The following STX11 variants were observed in gnomAD, a reference collection of about 807,000 sequenced individuals.
STX11 encodes the protein syntaxin-11.
STX11 carries 21 observed loss-of-function variants against 19.9 expected under a neutral mutation model. That is an observed-to-expected ratio of 1.06 (90% CI 0.75 to 1.52). The LOEUF (loss-of-function observed/expected upper bound fraction) is 1.52. Among genes scored for constraint, STX11 ranks in the 40% most tolerant of loss-of-function variants. The pLI, the probability that STX11 is intolerant of heterozygous loss-of-function variation, is 0.00. For synonymous variants in STX11, 193 were observed against 174.4 expected (o/e 1.11, Z -0.84); for missense variants, 438 against 405.9 (o/e 1.08, Z -0.68).
chr6:144,140,252 A>ATATATT, the STX11 span, among the ~76,000 whole-genome samples: 30 of 51,934 alleles, frequency 5.8e-4, no homozygotes, highest in African/African-American at 1.4e-3. Flanking sequence ...ATATATATAT[A>ATATATT]TATTTATTTA....
In STX11 at chr6:144,187,111, C is replaced by T. The variant is rs1292608555; in HGVS notation, c.484C>T (p.Gln162Ter). The T allele has an allele frequency of 1.2e-6, 2 of 1,613,816 alleles. No individual in the cohort carries two copies. Among genetic ancestry groups the T allele is most frequent in the Non-Finnish European group, 1.7e-6 (2 of 1,180,016 alleles). Reference protein sequence around the residue: ...KQRDNCKIRIQRQLEIMGKEV... With the variant: ...KQRDNCKIRI ...GCGCGACAACTGCAAGATCCGCATC[C>T]AGCGCCAGCTGGAGATCATGGGCAA... is the stretch of plus-strand genomic sequence containing the variant. Residue 162 changes from glutamine (Q) to a stop codon, truncating the protein, a stop_gained, in exon 2 of 2, where the codon CAG becomes TAG. Coordinates refer to ENST00000367568, the MANE Select transcript of STX11 (RefSeq NM_003764.4). LOFTEE classifies it high-confidence loss of function. The surrounding 1 kb of genome is among the most constrained non-coding windows in gnomAD (Gnocchi z 5.6).
chr6:144,176,375 G>A lies in STX11; in HGVS notation c.-5-10248G>A, dbSNP rs1286398642. Among the ~76,000 whole-genome samples the A allele has an allele frequency of 2.6e-5, 4 of 152,098 alleles. No individual in the cohort carries two copies. Among genetic ancestry groups the A allele is most frequent in the African/African-American group, 7.2e-5 (3 of 41,400 alleles). Reference sequence around the variant, plus strand: ...TCCGAGACCCAGTTATTAGTAAATCGAAAATGATGTTACCCTCCTCCCAAG... The same window carrying A: ...TCCGAGACCCAGTTATTAGTAAATCAAAAATGATGTTACCCTCCTCCCAAG... On this transcript the variant is annotated intron_variant, in intron 1 of 1. Transcript: ENST00000367568. This position sits in a 1 kb window ranked among gnomAD's most constrained non-coding sequence, Gnocchi z 4.1.
intron 1 of STX11, among the ~76,000 whole-genome samples, chr6:144,173,773 C>A (rs1002260766): frequency 6.6e-6 from 1 of 152,204 alleles, no homozygotes; most frequent in Admixed American, 6.5e-5. Flanking sequence ...TGACTGCTCT[C>A]GCAGTTTCCT....
chr6:144,185,359 C>T (rs753683721), intron 1 of STX11, among the ~76,000 whole-genome samples: 20 of 152,194 alleles, frequency 1.3e-4, no homozygotes, highest in Non-Finnish European at 2.5e-4. Flanking sequence ...AGTGTTACTA[C>T]TTTTCCCCTC....
Position 144,150,634 on chromosome 6 carries a change from T to C in STX11, c.-75T>C. ...CGCAACAGGTTTCCTTCTCCATCGC[T>C]GCGCCCACAGGGGACGCGCGCCCTG... On this transcript the variant is annotated 5_prime_UTR_variant, in exon 1 of 2. Coordinates refer to ENST00000367568, the MANE Select transcript of STX11 (RefSeq NM_003764.4). 4.1e-6 allele frequency: 4 copies of C among 985,104 alleles called. No individual in the cohort carries two copies. Among genetic ancestry groups the C allele is most frequent in the Non-Finnish European group, 4.8e-6 (4 of 829,918 alleles). The allele number at this position is 985,104 out of a possible 1,614,324, so 61.0% of individuals were successfully genotyped here.
the STX11 span, among the ~76,000 whole-genome samples, chr6:144,140,423 T>C: frequency 6.6e-6 from 1 of 151,120 alleles, no homozygotes; most frequent in African/African-American, 2.4e-5. Flanking sequence ...CCTGGCTAAT[T>C]TTTGTATTTT....
At position 144,186,963 on chromosome 6, in the gene STX11, G is replaced by C. The variant is rs562714690; in HGVS notation, c.336G>C (p.Glu112Asp). ...CKLRAMKELSEAAEAQHGPHS... is the reference protein window; with the variant it reads ...CKLRAMKELSDAAEAQHGPHS... Reference sequence around the variant, plus strand: ...TGCGCGCCATGAAGGAGCTGAGCGAGGCGGCTGAGGCCCAGCACGGCCCGC... The same window carrying C: ...TGCGCGCCATGAAGGAGCTGAGCGACGCGGCTGAGGCCCAGCACGGCCCGC... Residue 112 changes from glutamate to aspartate, a missense_variant, in exon 2 of 2, where the codon GAG (glutamate) becomes GAC (aspartate). Glu to Asp is a conservative substitution (Grantham distance 45). Transcript: ENST00000367568. 1 of 1,609,010 alleles carries C rather than the reference G, an allele frequency of 6.2e-7. No individual in the cohort carries two copies. Among genetic ancestry groups the C allele is most frequent in the Non-Finnish European group, 8.5e-7 (1 of 1,179,736 alleles).
At position 144,176,177 on chromosome 6, in the gene STX11, T is replaced by C. The variant is rs1281212835; in HGVS notation, c.-5-10446T>C. Among the ~76,000 whole-genome samples the C allele has an allele frequency of 2.0e-5, 3 of 152,160 alleles. No individual in the cohort carries two copies. Among genetic ancestry groups the C allele is most frequent in the African/African-American group, 4.8e-5 (2 of 41,438 alleles). On this transcript the variant is annotated intron_variant, in intron 1 of 1. Coordinates refer to ENST00000367568, the MANE Select transcript of STX11 (RefSeq NM_003764.4). This position sits in a 1 kb window ranked among gnomAD's most constrained non-coding sequence, Gnocchi z 4.1. The stretch of plus-strand genomic sequence containing the variant: ...GAAACAGAGCAGAGAATATTGCTCC[T>C]TAACAACACTAGCGCCTCCCGACCT...
In STX11 at chr6:144,165,047, G is replaced by T. The variant is rs1348165615; in HGVS notation, c.-6+14344G>T. ...GCTACATGGAACAGTTTCAATTGGGGTAAATGTGTAAGAAATTTGATCTAC... is the reference window on the plus strand; with the variant it reads ...GCTACATGGAACAGTTTCAATTGGGTTAAATGTGTAAGAAATTTGATCTAC... On this transcript the variant is annotated intron_variant, in intron 1 of 1. Coordinates refer to ENST00000367568, the MANE Select transcript of STX11 (RefSeq NM_003764.4). This position sits in a 1 kb window ranked among gnomAD's most constrained non-coding sequence, Gnocchi z 5.8. Among the ~76,000 whole-genome samples, 2 of 152,230 alleles carry T rather than the reference G, an allele frequency of 1.3e-5. No homozygotes were observed. Among genetic ancestry groups the T allele is most frequent in the East Asian group, 3.9e-4 (2 of 5,188 alleles).
chr6:144,157,110 ACT>A (rs1403756228), intron 1 of STX11, among the ~76,000 whole-genome samples: 8 of 151,992 alleles, frequency 5.3e-5, no homozygotes, highest in Non-Finnish European at 7.4e-5. Flanking sequence ...AGACCCTGAG[ACT>A]CTGAGATTTC....
chr6:144,168,617 A>G (rs1801545918), intron 1 of STX11, among the ~76,000 whole-genome samples: 1 of 152,178 alleles, frequency 6.6e-6, no homozygotes, highest in South Asian at 2.1e-4. Context: ...GATATACGGA[A>G]TCCTTCAAAG....
upstream of STX11, among the ~76,000 whole-genome samples, chr6:144,147,398 A>C (rs1800895492): frequency 6.6e-6 from 1 of 152,152 alleles, no homozygotes; most frequent in Admixed American, 6.5e-5. This position sits in a 1 kb window ranked among gnomAD's most constrained non-coding sequence, Gnocchi z 4.2. Flanking sequence ...TCTTTTTTAC[A>C]AAAATTTTTT....
chr6:144,187,001 C>A lies in STX11; in HGVS notation c.374C>A (p.Ala125Glu), dbSNP rs1345698016. The A allele has an allele frequency of 1.2e-6, 2 of 1,610,118 alleles. No homozygotes were observed. The highest frequency in any genetic ancestry group is 4.5e-5 in the East Asian group (2 of 44,850). ...EAQHGPHSAV[A>E]RISRAQYNAL... Reference sequence around the variant, plus strand: ...CAGCACGGCCCGCACTCGGCAGTGGCGCGCATTTCGCGGGCGCAGTACAAC... The same window carrying A: ...CAGCACGGCCCGCACTCGGCAGTGGAGCGCATTTCGCGGGCGCAGTACAAC... Residue 125 changes from alanine (A) to glutamate (E), a missense_variant, in exon 2 of 2, where the codon GCG becomes GAG. Physicochemically the swap from Ala to Glu is moderately radical, Grantham distance 107. Transcript: ENST00000367568. The surrounding 1 kb of genome is among the most constrained non-coding windows in gnomAD (Gnocchi z 5.6).
At chr6:144,150,911 C>G (rs1343426950) in intron 1 of STX11, among the ~76,000 whole-genome samples, 2 of 152,136 alleles carry the variant, frequency 1.3e-5, no homozygotes, top group African/African-American at 4.8e-5. Flanking sequence ...TCATATAAAG[C>G]AGAATGATTT....
Position 144,187,758 on chromosome 6 carries a change from C to T in STX11, c.*267C>T, listed in dbSNP as rs930081960. The T allele has an allele frequency of 1.7e-6, 1 of 572,582 alleles. No individual in the cohort carries two copies. Among genetic ancestry groups the T allele is most frequent in the African/African-American group, 1.9e-5 (1 of 53,240 alleles). 35.5% of individuals were successfully genotyped at this position (572,582 alleles called of 1,614,324 possible). ...ATATGACACCTTGCACTCTTACCGTCTTGACAGAAGCCAAGTAAGGAACTG... is the reference window on the plus strand; with the variant it reads ...ATATGACACCTTGCACTCTTACCGTTTTGACAGAAGCCAAGTAAGGAACTG... On this transcript the variant is annotated 3_prime_UTR_variant, in exon 2 of 2. Transcript: ENST00000367568. This position sits in a 1 kb window ranked among gnomAD's most constrained non-coding sequence, Gnocchi z 5.6.
Position 144,188,091 on chromosome 6 carries a change from C to G in STX11, c.*600C>G. 1 of 242,324 alleles carries G rather than the reference C, an allele frequency of 4.1e-6. No individual in the cohort carries two copies. Among genetic ancestry groups the G allele is most frequent in the Non-Finnish European group, 8.7e-6 (1 of 114,872 alleles). 15.0% of individuals were successfully genotyped at this position (242,324 alleles called of 1,614,324 possible). On this transcript the variant is annotated 3_prime_UTR_variant, in exon 2 of 2. Transcript: ENST00000367568. ...CCAAACACTTACTATTTTCTTATCT[C>G]TTTCACTTTTTAAATATCTTTCACC...
intron 1 of STX11, among the ~76,000 whole-genome samples, chr6:144,173,395 C>G (rs1801694414): frequency 6.6e-6 from 1 of 152,198 alleles, no homozygotes; most frequent in African/African-American, 2.4e-5. Context: ...CTTTGTCTAG[C>G]TGAGAAGGTC....
chr6:144,148,419 T>C (rs1378270845), upstream of STX11, among the ~76,000 whole-genome samples: 1 of 152,250 alleles, frequency 6.6e-6, no homozygotes, highest in Admixed American at 6.5e-5. Context: ...TTTTTAAAAA[T>C]ATAACATACC....
Position 144,152,557 on chromosome 6 carries a change from C to A in STX11, c.-6+1854C>A, listed in dbSNP as rs1012766619. ...TAAAACGAAATTCAGCTGATTATCA[C>A]CCCTGGACAATTGCAGTCACCTTTA... On this transcript the variant is annotated intron_variant, in intron 1 of 1. Transcript: ENST00000367568. This position sits in a 1 kb window ranked among gnomAD's most constrained non-coding sequence, Gnocchi z 4.9. Among the ~76,000 whole-genome samples the A allele has an allele frequency of 6.6e-6, 1 of 152,196 alleles. No homozygotes were observed. The highest frequency in any genetic ancestry group is 1.5e-5 in the Non-Finnish European group (1 of 68,026).
Sources: allele counts gnomAD v4.1 joint callset (sites outside exome capture counted in the v4.1 genomes callset), GRCh38; gene constraint gnomAD v4.1.1; non-coding constraint Gnocchi (gnomAD v3.1); transcripts MANE v1.5; gene names NCBI Gene and HGNC (gene_info 2026-07-23, HGNC 2026-07-21).